The following SGCZ variants were observed in gnomAD, a reference collection of about 807,000 sequenced individuals.
SGCZ encodes the protein zeta-sarcoglycan.
Under a neutral mutation model 41.3 loss-of-function variants are expected in SGCZ, and 40 were observed. The ratio of observed to expected loss-of-function variants is 0.97; its 90% CI spans 0.75 to 1.26. SGCZ has a LOEUF of 1.26. Among genes scored for constraint, SGCZ ranks in the 50% most tolerant of loss-of-function variants. SGCZ has a pLI of 0.00. For missense variants in SGCZ, 552 were observed against 369.8 expected (o/e 1.49, Z -4.04); for synonymous variants, 206 against 137.5 (o/e 1.50, Z -3.49).
At chr8:14,595,407 A>ACACC (rs1378793313) in intron 1 of SGCZ, among the ~76,000 whole-genome samples, 1 of 85,050 alleles carries the variant, frequency 1.2e-5, no homozygotes, top group Non-Finnish European at 2.5e-5. Context: ...ACAAACACAC[A>ACACC]CACACACACA....
At chr8:14,426,123 G>C (rs965231532) in intron 2 of SGCZ, among the ~76,000 whole-genome samples, 4 of 152,004 alleles carry the variant, frequency 2.6e-5, no homozygotes, top group African/African-American at 9.7e-5. Context: ...TCTATTCCAG[G>C]TACCATTCTG....
intron 2 of SGCZ, among the ~76,000 whole-genome samples, chr8:14,551,632 T>TA (rs1803870122): frequency 1.2e-5 from 1 of 81,438 alleles, no homozygotes; most frequent in African/African-American, 5.6e-5. Context: ...AATATATATA[T>TA]TATATATATA....
In SGCZ at chr8:14,090,230, C is replaced by T. The variant is rs1406310302; in HGVS notation, c.*213G>A. On this transcript the variant is annotated 3_prime_UTR_variant, in exon 8 of 8. Transcript: ENST00000382080. ...CATGATCCAGTTTTCCTGCTGACGA[C>T]GCTTTTTCCACTGCTGTGTCAATCA... The T allele has an allele frequency of 9.7e-6, 4 of 412,060 alleles. No individual in the cohort carries two copies. Among genetic ancestry groups the T allele is most frequent in the African/African-American group, 2.0e-5 (1 of 49,190 alleles). The allele number at this position is 412,060 out of a possible 1,614,324, so 25.5% of individuals were successfully genotyped here. A position where few individuals can be genotyped will look rare whatever the true frequency, so the allele number is the denominator to read the frequency against.
At chr8:15,016,736 A>G (rs1301547342) in intron 1 of SGCZ, among the ~76,000 whole-genome samples, 2 of 152,190 alleles carry the variant, frequency 1.3e-5, no homozygotes, top group Non-Finnish European at 2.9e-5. Context: ...TAATGTATAA[A>G]GAAAAGAGGT....
chr8:14,324,282 T>C (rs866223361), intron 2 of SGCZ, 78 bp from the exon 3 acceptor site: 20 of 987,682 alleles, frequency 2.0e-5, no homozygotes, highest in Middle Eastern at 4.1e-4. Context: ...TAGGCCTAAA[T>C]TGAGAAAACA....
intron 1 of SGCZ, among the ~76,000 whole-genome samples, chr8:15,000,354 G>A (rs1324296556): frequency 1.3e-5 from 2 of 152,168 alleles, no homozygotes; most frequent in African/African-American, 2.4e-5. Flanking sequence ...GAATGGACCA[G>A]TTTAGAGGGT....
At chr8:14,295,396 C>T (rs1280514669) in intron 3 of SGCZ, among the ~76,000 whole-genome samples, 1 of 151,946 alleles carries the variant, frequency 6.6e-6, no homozygotes, top group African/African-American at 2.4e-5. Context: ...TGTCACTTGC[C>T]ATATAATTAA....
intron 1 of SGCZ, among the ~76,000 whole-genome samples, chr8:15,224,098 T>A (rs1236317149): frequency 6.6e-6 from 1 of 152,234 alleles, no homozygotes; most frequent in East Asian, 1.9e-4. Context: ...TCAAGTGATC[T>A]GCCTGCCTTC....
chr8:14,615,727 G>C (rs1032036665), intron 1 of SGCZ, among the ~76,000 whole-genome samples: 2 of 152,174 alleles, frequency 1.3e-5, no homozygotes, highest in Admixed American at 6.5e-5. Flanking sequence ...TAACAAGCTT[G>C]AGTACTGTTT....
chr8:15,138,311 GA>G (rs760667363), intron 1 of SGCZ, among the ~76,000 whole-genome samples: 3 of 152,132 alleles, frequency 2.0e-5, no homozygotes, highest in Non-Finnish European at 2.9e-5. Flanking sequence ...TCTTGTCTCA[GA>G]TAAGACTTTG....
At chr8:14,503,008 C>A (rs1442617499) in intron 2 of SGCZ, among the ~76,000 whole-genome samples, 4 of 152,138 alleles carry the variant, frequency 2.6e-5, no homozygotes, top group Non-Finnish European at 4.4e-5. Flanking sequence ...ATGTTTATTG[C>A]AGCACTATTC....
chr8:14,928,758 G>A (rs530126207), intron 1 of SGCZ, among the ~76,000 whole-genome samples: 2 of 152,182 alleles, frequency 1.3e-5, no homozygotes, highest in South Asian at 4.2e-4. Flanking sequence ...AGATTTGAAG[G>A]TATTTCTACA....
intron 1 of SGCZ, among the ~76,000 whole-genome samples, chr8:15,164,121 G>C (rs1354802983): frequency 6.6e-6 from 1 of 152,140 alleles, no homozygotes; most frequent in Non-Finnish European, 1.5e-5. Context: ...CAAATTGTCA[G>C]CAAGCCTGAA....
chr8:14,551,534 A>T (rs182496585), intron 2 of SGCZ, among the ~76,000 whole-genome samples: 1,018 of 7,406 alleles, frequency 0.14, 94 homozygotes, highest in African/African-American at 0.16. Context: ...AATATATATA[A>T]TATATATAAT....
At chr8:14,232,553 T>C (rs540791210) in intron 4 of SGCZ, among the ~76,000 whole-genome samples, 3 of 152,098 alleles carry the variant, frequency 2.0e-5, no homozygotes, top group African/African-American at 7.2e-5. Flanking sequence ...AGATTATAAT[T>C]AAGATTTTTA....
chr8:14,995,145 TG>T (rs1802170568), intron 1 of SGCZ, among the ~76,000 whole-genome samples: 2 of 152,388 alleles, frequency 1.3e-5, no homozygotes, highest in African/African-American at 4.8e-5. Context: ...CTTGGGGCCA[TG>T]GTGAGGCATT....
chr8:14,217,626 A>C (rs1018926452), intron 4 of SGCZ, among the ~76,000 whole-genome samples: 1 of 146,716 alleles, frequency 6.8e-6, no homozygotes, highest in Non-Finnish European at 1.5e-5. Flanking sequence ...AATTCAACTA[A>C]AGTTTTTTTT....
intron 1 of SGCZ, among the ~76,000 whole-genome samples, chr8:14,851,010 T>G (rs533249853): frequency 6.6e-6 from 1 of 152,296 alleles, no homozygotes; most frequent in African/African-American, 2.4e-5. Context: ...AACAGACTAA[T>G]ACAGAGTAAT....
intron 2 of SGCZ, among the ~76,000 whole-genome samples, chr8:14,518,225 A>G (rs1257179876): frequency 6.6e-6 from 1 of 152,036 alleles, no homozygotes; most frequent in Non-Finnish European, 1.5e-5. Flanking sequence ...CTATTAATAT[A>G]AAGCTTGCTA....
Sources: allele counts gnomAD v4.1 joint callset (sites outside exome capture counted in the v4.1 genomes callset), GRCh38; gene constraint gnomAD v4.1.1; transcripts MANE v1.5; gene names NCBI Gene and HGNC (gene_info 2026-07-23, HGNC 2026-07-21).